Variants in LTBP1 observed in about 807,000 individuals in gnomAD.
LTBP1 encodes the protein latent transforming growth factor beta binding protein 1, also known as latent-transforming growth factor beta-binding protein 1.
In LTBP1, 129 loss-of-function variants were observed where a neutral mutation model predicts 207.6. The observed-to-expected ratio is 0.62, with a 90% CI of 0.54 to 0.72. LTBP1 has a LOEUF of 0.72. LTBP1 is among the 30% of genes least tolerant of loss of function. The pLI is 0.00. For missense variants in LTBP1, 2,281 were observed against 2,217.2 expected (o/e 1.03, Z -0.58); for synonymous variants, 963 against 833.7 (o/e 1.16, Z -2.67).
At chr2:33,269,935 C>G (rs566132966) in intron 15 of LTBP1, among the ~76,000 whole-genome samples, 6 of 150,226 alleles carry the variant, frequency 4.0e-5, no homozygotes, top group Non-Finnish European at 8.9e-5. Flanking sequence ...GTATAAGTAC[C>G]AGTAATTTAT....
intron 32 of LTBP1, among the ~76,000 whole-genome samples, chr2:33,394,592 T>C (rs889791901): frequency 6.6e-6 from 1 of 152,188 alleles, no homozygotes; most frequent in Non-Finnish European, 1.5e-5. Flanking sequence ...TTTTGTCAGA[T>C]TTGTCAAAGA....
chr2:33,128,586 A>G (rs2081583272), intron 4 of LTBP1, among the ~76,000 whole-genome samples: 2 of 152,346 alleles, frequency 1.3e-5, no homozygotes, highest in African/African-American at 4.8e-5. Context: ...GAAAAAATGT[A>G]TCTTTTAAAT....
chr2:32,968,447 T>G (rs1680323164), intron 2 of LTBP1, among the ~76,000 whole-genome samples: 1 of 152,240 alleles, frequency 6.6e-6, no homozygotes, highest in Non-Finnish European at 1.5e-5. Flanking sequence ...ATTTCTGCTT[T>G]CTTTTGGTTA....
At position 33,210,232 on chromosome 2, in the gene LTBP1, G is replaced by A. The variant is rs1000821793; in HGVS notation, c.1702-7320G>A. 2.6e-5 allele frequency among the ~76,000 whole-genome samples: 4 copies of A among 152,130 alleles called. No homozygotes were observed. In the East Asian group the frequency reaches 5.8e-4, roughly 22 times the overall value. ...CATTTGTTGAGATAAGATATTATTCGTGCTGAACTTAACTCCTTTCTGCTG... is the reference window on the plus strand; with the variant it reads ...CATTTGTTGAGATAAGATATTATTCATGCTGAACTTAACTCCTTTCTGCTG... On this transcript the variant is annotated intron_variant, in intron 7 of 33. Coordinates refer to ENST00000404816, the MANE Select transcript of LTBP1 (RefSeq NM_206943.4).
At chr2:33,392,304 C>T (rs1322447377) in intron 32 of LTBP1, among the ~76,000 whole-genome samples, 1 of 152,056 alleles carries the variant, frequency 6.6e-6, no homozygotes, top group Non-Finnish European at 1.5e-5. Flanking sequence ...CCTGCCTCAG[C>T]CTCCTGAGTA....
chr2:33,115,292 A>C (rs563828121), intron 4 of LTBP1, among the ~76,000 whole-genome samples: 6 of 152,284 alleles, frequency 3.9e-5, no homozygotes, highest in African/African-American at 1.4e-4. Context: ...AGATGTCCAG[A>C]GTAGGCAAAT....
chr2:33,003,993 T>A (rs1238743546), intron 2 of LTBP1, among the ~76,000 whole-genome samples: 7 of 152,196 alleles, frequency 4.6e-5, no homozygotes, highest in Admixed American at 3.9e-4. Flanking sequence ...TCAAAACAAC[T>A]TATATAGCCA....
intron 2 of LTBP1, among the ~76,000 whole-genome samples, chr2:32,961,273 G>C (rs1037385727): frequency 2.3e-4 from 35 of 150,890 alleles, no homozygotes; most frequent in Admixed American, 1.8e-3. Flanking sequence ...CCGAGCTCTC[G>C]TGGAAAGGCA....
chr2:33,045,428 T>C (rs979311321), intron 3 of LTBP1, among the ~76,000 whole-genome samples: 3 of 152,242 alleles, frequency 2.0e-5, no homozygotes, highest in Admixed American at 1.3e-4. Context: ...GTTGTAGATA[T>C]GTGGCATTAT....
At chr2:32,957,039 T>G (rs4952323) in intron 2 of LTBP1, among the ~76,000 whole-genome samples, 9,881 of 152,268 alleles carry the variant, frequency 0.065, 568 homozygotes, top group East Asian at 0.23. Context: ...ACACAGACTG[T>G]CATCCAGTCT....
At chr2:33,111,601 A>G (rs971696202) in intron 4 of LTBP1, among the ~76,000 whole-genome samples, 3 of 152,194 alleles carry the variant, frequency 2.0e-5, no homozygotes, top group Non-Finnish European at 4.4e-5. Flanking sequence ...AGTGAAGTCC[A>G]CATTTGTTGT....
chr2:33,388,996 G>T (rs138084018), intron 31 of LTBP1, among the ~76,000 whole-genome samples, 188 bp from the exon 32 acceptor site: 8 of 152,112 alleles, frequency 5.3e-5, no homozygotes, highest in Non-Finnish European at 1.2e-4. Context: ...TACAGCAGTC[G>T]TTGTACGTGG....
chr2:32,950,744 T>C (rs1233392567), intron 2 of LTBP1, among the ~76,000 whole-genome samples: 1 of 152,048 alleles, frequency 6.6e-6, no homozygotes, highest in East Asian at 1.9e-4. Flanking sequence ...AGAGCAGGAT[T>C]TTACAGATAG....
chr2:33,329,008 G>A (rs1439069102), intron 24 of LTBP1, among the ~76,000 whole-genome samples: 1 of 152,086 alleles, frequency 6.6e-6, no homozygotes, highest in Non-Finnish European at 1.5e-5. Flanking sequence ...CTTTTCATGG[G>A]CATAATCACT....
intron 8 of LTBP1, among the ~76,000 whole-genome samples, chr2:33,220,446 T>C (rs930101144): frequency 1.2e-4 from 18 of 152,362 alleles, no homozygotes; most frequent in African/African-American, 4.3e-4. Context: ...TTGATCATTT[T>C]TTTTGCTGTG....
At chr2:33,173,424 T>C (rs374213996) in intron 5 of LTBP1, among the ~76,000 whole-genome samples, 18 of 152,106 alleles carry the variant, frequency 1.2e-4, no homozygotes, top group African/African-American at 3.1e-4. Context: ...ATAAATTCCT[T>C]GACACATACA....
At chr2:33,328,722 T>C (rs2094459888) in intron 24 of LTBP1, among the ~76,000 whole-genome samples, 1 of 152,164 alleles carries the variant, frequency 6.6e-6, no homozygotes, top group African/African-American at 2.4e-5. Context: ...AGGTAAGATT[T>C]TGGGTGGGGA....
At chr2:32,970,013 A>G (rs939999821) in intron 2 of LTBP1, among the ~76,000 whole-genome samples, 1 of 152,158 alleles carries the variant, frequency 6.6e-6, no homozygotes, top group Admixed American at 6.5e-5. Context: ...GTATTTCTCT[A>G]ATGATTAATG....
chr2:33,375,671 G>T (rs930202318), intron 31 of LTBP1, among the ~76,000 whole-genome samples: 2 of 151,790 alleles, frequency 1.3e-5, no homozygotes, highest in East Asian at 1.9e-4. Context: ...GGGACCACAG[G>T]CGCCCGCCAC....
Sources: gnomAD v4.1 joint callset for allele counts (sites outside exome capture counted in the v4.1 genomes callset) on GRCh38, gnomAD v4.1.1 for gene constraint, MANE v1.5 for transcripts, NCBI Gene and HGNC (gene_info 2026-07-23, HGNC 2026-07-21) for gene names.